The following ADGRL3 variants were observed in gnomAD, a reference collection of about 807,000 sequenced individuals.
ADGRL3 encodes the protein calcium-independent alpha-latrotoxin receptor 3.
ADGRL3 carries 62 observed loss-of-function variants against 153.5 expected under a neutral mutation model. The observed-to-expected ratio is 0.40, with a 90% CI of 0.33 to 0.50. The LOEUF is 0.50. ADGRL3 is among the 20% of genes least tolerant of loss of function. The pLI is 0.47. For missense variants in ADGRL3, 1,641 were observed against 1,859.4 expected (o/e 0.88, Z 2.16); for synonymous variants, 710 against 672.5 (o/e 1.06, Z -0.86).
chr4:61,662,979 T>C (rs1294769512), intron 5 of ADGRL3, among the ~76,000 whole-genome samples: 1 of 152,168 alleles, frequency 6.6e-6, no homozygotes, highest in Admixed American at 6.5e-5. Flanking sequence ...CAGGACACCG[T>C]GCCTGTGGAG....
intron 1 of ADGRL3, among the ~76,000 whole-genome samples, chr4:61,332,789 C>T (rs916572023): frequency 2.6e-5 from 4 of 151,838 alleles, no homozygotes; most frequent in Admixed American, 6.6e-5. Flanking sequence ...GAAAGAAAGC[C>T]GTCATCTCAA....
chr4:61,654,625 G>A (rs192590855), intron 5 of ADGRL3, among the ~76,000 whole-genome samples: 43 of 152,216 alleles, frequency 2.8e-4, no homozygotes, highest in Non-Finnish European at 4.6e-4. Context: ...TAGGCTGGGT[G>A]TGGTGGTTGA....
chr4:61,742,569 C>T (rs970957585), intron 8 of ADGRL3, among the ~76,000 whole-genome samples: 2 of 152,028 alleles, frequency 1.3e-5, no homozygotes, highest in Non-Finnish European at 2.9e-5. Context: ...CGTGAGACAC[C>T]GCACCCGGCC....
intron 1 of ADGRL3, among the ~76,000 whole-genome samples, chr4:61,265,197 G>A (rs1387996324): frequency 6.6e-6 from 1 of 151,826 alleles, no homozygotes; most frequent in African/African-American, 2.4e-5. Context: ...TCTTATTTCT[G>A]GGAAATTAGA....
chr4:61,383,436 G>A (rs1473421601), intron 2 of ADGRL3, among the ~76,000 whole-genome samples: 1 of 151,598 alleles, frequency 6.6e-6, no homozygotes, highest in Non-Finnish European at 1.5e-5. Context: ...TTGCTGTTGT[G>A]AGGAAATATA....
intron 9 of ADGRL3, among the ~76,000 whole-genome samples, chr4:61,827,305 T>C (rs917643455): frequency 1.3e-5 from 2 of 152,202 alleles, no homozygotes; most frequent in African/African-American, 4.8e-5. Flanking sequence ...TGACTGGTGA[T>C]TGTGAATCTG....
chr4:61,888,864 G>C (rs2098554056), intron 9 of ADGRL3, among the ~76,000 whole-genome samples: 1 of 152,124 alleles, frequency 6.6e-6, no homozygotes, highest in Non-Finnish European at 1.5e-5. Context: ...ATTGTTCTGA[G>C]ATAGGATCAT....
chr4:62,013,655 T>C (rs547365852), intron 21 of ADGRL3, among the ~76,000 whole-genome samples: 1 of 152,108 alleles, frequency 6.6e-6, no homozygotes, highest in Admixed American at 6.5e-5. Flanking sequence ...TTTGGGAGGC[T>C]GAGGTGGGCG....
At chr4:61,994,712 A>G (rs915754286) in intron 19 of ADGRL3, among the ~76,000 whole-genome samples, 2 of 151,974 alleles carry the variant, frequency 1.3e-5, no homozygotes, top group Non-Finnish European at 2.9e-5. Flanking sequence ...CTCTACTCTT[A>G]TGTGAGAGGC....
intron 6 of ADGRL3, among the ~76,000 whole-genome samples, chr4:61,683,699 T>G (rs531863219): frequency 1.8e-3 from 279 of 152,266 alleles, no homozygotes; most frequent in Non-Finnish European, 3.0e-3. Context: ...AACAGGAAGT[T>G]CTCAATCCAG....
intron 1 of ADGRL3, among the ~76,000 whole-genome samples, chr4:61,243,971 T>C (rs1013625008): frequency 6.6e-6 from 1 of 152,072 alleles, no homozygotes. Context: ...GAAACGTTTC[T>C]ATAGTGATGG....
At chr4:61,592,040 G>A (rs78864466) in intron 5 of ADGRL3, among the ~76,000 whole-genome samples, 2,404 of 140,754 alleles carry the variant, frequency 0.017, 64 homozygotes, top group East Asian at 0.13. Context: ...TCATAAAACC[G>A]CACTTAGCCT....
intron 5 of ADGRL3, among the ~76,000 whole-genome samples, chr4:61,627,802 A>G (rs1279338199): frequency 6.6e-6 from 1 of 152,088 alleles, no homozygotes; most frequent in Non-Finnish European, 1.5e-5. Context: ...TTAATTTCCC[A>G]ATTTTTTAAA....
At chr4:61,740,363 C>A (rs75031861) in intron 8 of ADGRL3, among the ~76,000 whole-genome samples, 13,234 of 152,198 alleles carry the variant, frequency 0.087, 1,223 homozygotes, top group African/African-American at 0.23. Context: ...ACCATATGTT[C>A]TATCCTGATA....
intron 4 of ADGRL3, among the ~76,000 whole-genome samples, chr4:61,530,961 C>G (rs2098609309): frequency 6.6e-6 from 1 of 152,072 alleles, no homozygotes; most frequent in African/African-American, 2.4e-5. Context: ...GACCTGTGCT[C>G]TATTTATCAT....
intron 13 of ADGRL3, among the ~76,000 whole-genome samples, chr4:61,920,709 A>G (rs1480113434): frequency 2.0e-5 from 3 of 152,194 alleles, no homozygotes; most frequent in Non-Finnish European, 4.4e-5. Flanking sequence ...CAAGATGGCT[A>G]CTTAGGTTCC....
chr4:61,212,041 T>C (rs1740285517), intron 1 of ADGRL3: 1 of 152,186 alleles, frequency 6.6e-6, no homozygotes, highest in Non-Finnish European at 1.5e-5. Context: ...CCCCAAGATG[T>C]GACATCTGAT....
At chr4:61,745,392 C>G (rs2096642783) in intron 8 of ADGRL3, among the ~76,000 whole-genome samples, 1 of 151,726 alleles carries the variant, frequency 6.6e-6, no homozygotes, top group African/African-American at 2.4e-5. Flanking sequence ...AGAGCAACTC[C>G]AAGACACATA....
intron 11 of ADGRL3, among the ~76,000 whole-genome samples, chr4:61,899,166 C>T (rs2098649304): frequency 6.6e-6 from 1 of 150,550 alleles, no homozygotes; most frequent in African/African-American, 2.5e-5. Context: ...TTTTCATTAA[C>T]AGGAAAACCT....
Sources: gnomAD v4.1 joint callset for allele counts (sites outside exome capture counted in the v4.1 genomes callset) on GRCh38, gnomAD v4.1.1 for gene constraint, MANE v1.5 for transcripts, NCBI Gene and HGNC (gene_info 2026-07-23, HGNC 2026-07-21) for gene names.